The following SLC9D1 variants were observed in gnomAD, a reference collection of about 807,000 sequenced individuals.
The protein encoded by SLC9D1 is putative LAG1-interacting protein.
the SLC9D1 span, among the ~76,000 whole-genome samples, chr13:113,526,571 T>A: frequency 6.6e-6 from 1 of 151,382 alleles, no homozygotes; most frequent in Admixed American, 6.6e-5. Flanking sequence ...AAAAAAAAAT[T>A]AGCCAGGCGT....
chr13:113,522,665 A>C, the SLC9D1 span, among the ~76,000 whole-genome samples: 1 of 150,110 alleles, frequency 6.7e-6, no homozygotes, highest in South Asian at 2.1e-4. Flanking sequence ...ATGGAGTCTC[A>C]CTCTGTTGCT....
chr13:113,512,648 C>T, the SLC9D1 span, among the ~76,000 whole-genome samples: 6 of 141,780 alleles, frequency 4.2e-5, no homozygotes. Context: ...GGTGCTGGGA[C>T]TGGAAGGGGG....
At chr13:113,523,203 T>G in the SLC9D1 span, among the ~76,000 whole-genome samples, 27,985 of 151,930 alleles carry the variant, frequency 0.18, 3,399 homozygotes, top group African/African-American at 0.35. Flanking sequence ...CCTTTCTTTT[T>G]ATTTTCTGGA....
chr13:113,545,269 CTG>C, the SLC9D1 span, among the ~76,000 whole-genome samples: 899 of 151,862 alleles, frequency 5.9e-3, 2 homozygotes, highest in Middle Eastern at 0.034. Context: ...GATGAGGAAA[CTG>C]AGGCACACAG....
chr13:113,509,312 AGGATGG>A, the SLC9D1 span, among the ~76,000 whole-genome samples: 4 of 60,064 alleles, frequency 6.7e-5, no homozygotes, highest in African/African-American at 3.9e-4. Context: ...TTCCTGTGTT[AGGATGG>A]CAGGCTTGGT....
chr13:113,531,749 A>G, the SLC9D1 span, among the ~76,000 whole-genome samples: 1 of 152,256 alleles, frequency 6.6e-6, no homozygotes, highest in Non-Finnish European at 1.5e-5. Context: ...GGCAAGCCGG[A>G]ATCCTGAGAA....
At chr13:113,500,143 TA>T in the SLC9D1 span, 1 of 1,498,054 alleles carries the variant, frequency 6.7e-7, no homozygotes, top group Non-Finnish European at 9.0e-7. Context: ...ATCACCACTT[TA>T]TAAAGGTAGT....
the SLC9D1 span, chr13:113,534,953 G>A: frequency 6.6e-6 from 1 of 152,232 alleles, no homozygotes; most frequent in Non-Finnish European, 1.5e-5. Flanking sequence ...TGTGGTGGCG[G>A]GCGCCTGTAG....
chr13:113,495,680 C>T, the SLC9D1 span: 12 of 1,611,044 alleles, frequency 7.4e-6, no homozygotes, highest in Non-Finnish European at 1.0e-5. Context: ...AGCGTGTGAT[C>T]AAACTGCACC....
the SLC9D1 span, chr13:113,511,603 C>T: frequency 6.6e-6 from 1 of 152,372 alleles, no homozygotes; most frequent in Non-Finnish European, 1.5e-5. Flanking sequence ...TGGCCCCGGC[C>T]ATGGGCCTCC....
chr13:113,544,947 A>C, the SLC9D1 span, among the ~76,000 whole-genome samples: 90 of 152,332 alleles, frequency 5.9e-4, no homozygotes, highest in Admixed American at 1.8e-3. Context: ...CAGCTCCCTA[A>C]TTCCTAGTCA....
chr13:113,549,132 C>T, the SLC9D1 span, among the ~76,000 whole-genome samples: 1 of 152,188 alleles, frequency 6.6e-6, no homozygotes, highest in Non-Finnish European at 1.5e-5. Flanking sequence ...ACAGTCTCTC[C>T]TACATCCCAA....
chr13:113,494,192 T>A, the SLC9D1 span, among the ~76,000 whole-genome samples: 2 of 152,184 alleles, frequency 1.3e-5, no homozygotes, highest in African/African-American at 2.4e-5. Context: ...TAGGTTAATA[T>A]TTTGTTGTTG....
chr13:113,533,900 T>A, the SLC9D1 span: 1 of 667,068 alleles, frequency 1.5e-6, no homozygotes, highest in African/African-American at 1.8e-5. Context: ...GATTCATAGG[T>A]GTTTTTGTAT....
the SLC9D1 span, among the ~76,000 whole-genome samples, chr13:113,541,488 C>T: frequency 7.9e-6 from 1 of 126,208 alleles, no homozygotes; most frequent in Non-Finnish European, 1.6e-5. Context: ...GCTTTATTAC[C>T]GCCGAGATGT....
the SLC9D1 span, among the ~76,000 whole-genome samples, chr13:113,515,995 G>A: frequency 6.6e-6 from 1 of 151,666 alleles, no homozygotes; most frequent in Non-Finnish European, 1.5e-5. Flanking sequence ...TTTTGTGTGT[G>A]GAATCTTTAG....
chr13:113,491,065 G>C, the SLC9D1 span: 1,589 of 155,356 alleles, frequency 0.01, 26 homozygotes, highest in African/African-American at 0.036. Flanking sequence ...TGCTGGGCAG[G>C]GCGGCGGCCG....
chr13:113,533,962 AG>A, the SLC9D1 span: 2 of 1,079,616 alleles, frequency 1.9e-6, no homozygotes, highest in Admixed American at 4.7e-5. Context: ...AGCATGTTAA[AG>A]AAAAAAACTG....
the SLC9D1 span, among the ~76,000 whole-genome samples, chr13:113,492,048 C>T: frequency 6.6e-6 from 1 of 152,272 alleles, no homozygotes; most frequent in South Asian, 2.1e-4. Flanking sequence ...TGCTGTCGCC[C>T]AGGCTGGAGT....
Sources: allele counts gnomAD v4.1 joint callset (sites outside exome capture counted in the v4.1 genomes callset), GRCh38; gene constraint gnomAD v4.1.1; transcripts MANE v1.5; gene names NCBI Gene and HGNC (gene_info 2026-07-23, HGNC 2026-07-21).